Variants in UGT3A1 observed in about 807,000 individuals in gnomAD.
The protein encoded by UGT3A1 is UDP-glycosyltransferase 3A1.
Under a neutral mutation model 37.6 loss-of-function variants are expected in UGT3A1, and 40 were observed. That is an observed-to-expected ratio of 1.06 (90% confidence interval 0.83 to 1.38). UGT3A1 has a LOEUF of 1.38. UGT3A1 is among the 40% of genes most tolerant of loss of function. The pLI, the probability that UGT3A1 is intolerant of heterozygous loss-of-function variation, is 0.00. For synonymous variants in UGT3A1, 256 were observed against 232.3 expected (o/e 1.10, Z -0.93); for missense variants, 642 against 634.2 (o/e 1.01, Z -0.13).
At chr5:35,993,204 G>A (rs1427514462), upstream of UGT3A1, among the ~76,000 whole-genome samples, 2 of 151,958 alleles carry the variant, frequency 1.3e-5, no homozygotes, top group Non-Finnish European at 2.9e-5. Flanking sequence ...GGTGGCTCAC[G>A]CCTGTAATCC....
intron 4 of UGT3A1, among the ~76,000 whole-genome samples, chr5:35,963,813 G>T (rs926713115): frequency 6.6e-6 from 1 of 152,202 alleles, no homozygotes; most frequent in South Asian, 2.1e-4. Flanking sequence ...GTACCGAGCT[G>T]GGAAGGGAGG....
chr5:35,954,947 A>G, intron 6 of UGT3A1: 1 of 162,538 alleles, frequency 6.2e-6, no homozygotes, highest in South Asian at 1.8e-4. Context: ...CTTAACTGAA[A>G]TTCATGGAAA....
chr5:36,000,718 T>C (rs1741204462), intron 1 of UGT3A1, among the ~76,000 whole-genome samples: 1 of 152,220 alleles, frequency 6.6e-6, no homozygotes, highest in African/African-American at 2.4e-5. Context: ...TATTGTACAA[T>C]AACCATTACA....
intron 2 of UGT3A1, among the ~76,000 whole-genome samples, chr5:35,975,607 G>A (rs772636134): frequency 1.5e-4 from 23 of 152,108 alleles, no homozygotes; most frequent in South Asian, 4.2e-4. Flanking sequence ...GGAATTTGTC[G>A]TCTTACCATG....
intron 2 of UGT3A1, among the ~76,000 whole-genome samples, chr5:35,981,759 C>T (rs1230153758): frequency 2.6e-5 from 4 of 152,180 alleles, no homozygotes; most frequent in Non-Finnish European, 5.9e-5. Flanking sequence ...CAGAAGTTTG[C>T]ATAAGTAAAG....
At chr5:35,957,974 T>A (rs1739423906) in intron 4 of UGT3A1, among the ~76,000 whole-genome samples, 1 of 152,308 alleles carries the variant, frequency 6.6e-6, no homozygotes, top group East Asian at 1.9e-4. Context: ...GGTATCGAAG[T>A]CCCAAGCTAT....
rs559688633 is a variant in UGT3A1 at position 35,962,576 on chromosome 5, G to A, written c.843+2810C>T. The A allele has an allele frequency of 3.1e-4, 75 of 243,800 alleles. 1 individual carries two copies. The highest frequency in any genetic ancestry group is 1.3e-3 in the African/African-American group (60 of 45,000). The allele number at this position is 243,800 out of a possible 1,614,324, so 15.1% of individuals were successfully genotyped here. On this transcript the variant is annotated intron_variant, in intron 4 of 6. Transcript: ENST00000274278. Reference sequence around the variant, plus strand: ...CAGCCTCTCCTGAAATGACAAAGCAGGAGGGCTGGATCAATCCTACACTGT... The same window carrying A: ...CAGCCTCTCCTGAAATGACAAAGCAAGAGGGCTGGATCAATCCTACACTGT...
At chr5:35,981,860 G>A (rs1218853191) in intron 2 of UGT3A1, among the ~76,000 whole-genome samples, 1 of 152,230 alleles carries the variant, frequency 6.6e-6, no homozygotes, top group Non-Finnish European at 1.5e-5. Context: ...CACAGGCCCA[G>A]AGGCCTAGGA....
upstream of UGT3A1, among the ~76,000 whole-genome samples, chr5:35,994,673 C>T (rs1160633264): frequency 6.6e-6 from 1 of 152,020 alleles, no homozygotes; most frequent in Non-Finnish European, 1.5e-5. Context: ...GCCAGGTAGC[C>T]GCAACATGTG....
chr5:35,981,578 G>A (rs1740524353), intron 2 of UGT3A1, among the ~76,000 whole-genome samples: 1 of 152,182 alleles, frequency 6.6e-6, no homozygotes, highest in African/African-American at 2.4e-5. Flanking sequence ...AAGCAGCAAA[G>A]CATTCAAGAC....
chr5:35,991,118 G>A (rs1397162587), intron 1 of UGT3A1, 29 bp downstream of exon 1: 1 of 1,614,166 alleles, frequency 6.2e-7, no homozygotes, highest in South Asian at 1.1e-5. Context: ...GGACGCGCCT[G>A]TCTGGGAATT....
In UGT3A1 at chr5:35,988,457, C is replaced by A; in HGVS notation, c.189G>T (p.Leu63Phe). Residue 63 changes from leucine to phenylalanine, a missense_variant, in exon 2 of 7, where the codon TTG becomes TTT. Physicochemically the swap from Leu to Phe is conservative, Grantham distance 22. Coordinates refer to ENST00000274278, the MANE Select transcript of UGT3A1 (RefSeq NM_152404.4). ...VTMLHQSGKFLIPDIKEEEKS... is the reference protein window; with the variant it reads ...VTMLHQSGKFFIPDIKEEEKS... ...AGTTTTTAAAAAAGATACCTGGGAT[C>A]AAAAACTTTCCACTCTGATGAAGCA... 1.3e-6 allele frequency: 2 copies of A among 1,595,620 alleles called. No homozygotes were observed. The highest frequency in any genetic ancestry group is 2.2e-5 in the East Asian group (1 of 44,562).
At chr5:35,994,327 T>TTTTC (rs773451414), upstream of UGT3A1, among the ~76,000 whole-genome samples, 1,270 of 113,154 alleles carry the variant, frequency 0.011, 26 homozygotes, top group African/African-American at 0.037. Flanking sequence ...TTTTGTTTTG[T>TTTTC]TTTGTTTGTG....
chr5:35,980,738 T>G (rs1470254418), intron 2 of UGT3A1, among the ~76,000 whole-genome samples: 2 of 152,236 alleles, frequency 1.3e-5, no homozygotes, highest in Non-Finnish European at 2.9e-5. Flanking sequence ...TATCTATCCA[T>G]GGGTTCTGAT....
chr5:35,959,069 A>T (rs773611796), intron 4 of UGT3A1, among the ~76,000 whole-genome samples: 6 of 152,230 alleles, frequency 3.9e-5, no homozygotes, highest in Non-Finnish European at 8.8e-5. Flanking sequence ...GGCGAGGTTC[A>T]TTGGGAAATT....
At chr5:35,962,926 G>T (rs1246657764) in intron 4 of UGT3A1, 1 of 702,964 alleles carries the variant, frequency 1.4e-6, no homozygotes, top group Non-Finnish European at 2.6e-6. Context: ...TAAGCTGGGG[G>T]TGGTGAAGAG....
intron 2 of UGT3A1, among the ~76,000 whole-genome samples, chr5:35,983,813 A>C (rs1740624618): frequency 6.6e-6 from 1 of 152,214 alleles, no homozygotes; most frequent in African/African-American, 2.4e-5. Context: ...GATAATTTCA[A>C]TAGATGCATA....
At chr5:35,955,333 C>A (rs1739308665) in intron 6 of UGT3A1, 2 of 547,212 alleles carry the variant, frequency 3.7e-6, no homozygotes, top group South Asian at 4.8e-5. Flanking sequence ...TGGGGAAACA[C>A]ACAAAGAAAC....
chr5:35,991,885 T>A (rs1206564477), upstream of UGT3A1, among the ~76,000 whole-genome samples: 7 of 152,220 alleles, frequency 4.6e-5, no homozygotes, highest in East Asian at 1.2e-3. Context: ...TCCGGGTCTG[T>A]ACCTGGAGAC....
Sources: gnomAD v4.1 joint callset for allele counts (sites outside exome capture counted in the v4.1 genomes callset) on GRCh38, gnomAD v4.1.1 for gene constraint, MANE v1.5 for transcripts, NCBI Gene and HGNC (gene_info 2026-07-23, HGNC 2026-07-21) for gene names.